The following SORCS1 variants were observed in gnomAD, a reference collection of about 807,000 sequenced individuals.
The protein encoded by SORCS1 is VPS10 domain-containing receptor SorCS1.
In SORCS1, 60 loss-of-function variants were observed where a neutral mutation model predicts 146.1. The observed-to-expected ratio is 0.41, with a 90% CI of 0.33 to 0.51. SORCS1 has a LOEUF of 0.51. Ranked by LOEUF, SORCS1 falls within the 20% of genes least tolerant of loss-of-function variation. SORCS1 has a pLI of 0.21. For synonymous variants in SORCS1, 637 were observed against 584.0 expected, an observed-to-expected ratio of 1.09 and a Z score of -1.31; for missense variants, 1,352 against 1,487.6, an observed-to-expected ratio of 0.91 and a Z score of 1.50.
rs141964516 is a variant in SORCS1, at chr10:106,676,961, C to G, written c.1832+352G>C. ...CAACTTGCTTCCTGTTGACCACTTC[C>G]TCTTCCTCACCTCCTCTTCTTTACC... On this transcript the variant is annotated intron_variant, in intron 13 of 25. Coordinates refer to ENST00000263054, the MANE Select transcript of SORCS1 (RefSeq NM_052918.5). Among the ~76,000 whole-genome samples, 54 of 152,260 alleles carry G rather than the reference C, an allele frequency of 3.5e-4. No individual in the cohort carries two copies. In the East Asian group the frequency reaches 9.3e-3, roughly 26 times the overall value.
intron 1 of SORCS1, among the ~76,000 whole-genome samples, chr10:107,076,819 C>T (rs1356153086): frequency 6.6e-6 from 1 of 152,054 alleles, no homozygotes; most frequent in Non-Finnish European, 1.5e-5. Context: ...CTACTATATC[C>T]CCGAAGCCAC....
chr10:106,679,186 G>T (rs1852252404), intron 12 of SORCS1, 70 bp downstream of exon 12: 2 of 1,253,944 alleles, frequency 1.6e-6, no homozygotes, highest in African/African-American at 3.0e-5. Flanking sequence ...AAAGTTCCCA[G>T]ATTTGAACCA....
chr10:107,043,377 T>C (rs1826616337), intron 1 of SORCS1, among the ~76,000 whole-genome samples: 1 of 152,206 alleles, frequency 6.6e-6, no homozygotes, highest in Non-Finnish European at 1.5e-5. Context: ...TCTTACAATG[T>C]TGATTCCGCC....
At chr10:106,907,795 T>C (rs564832483) in intron 2 of SORCS1, among the ~76,000 whole-genome samples, 12 of 151,730 alleles carry the variant, frequency 7.9e-5, no homozygotes, top group Admixed American at 2.6e-4. Flanking sequence ...GGCATGGTGG[T>C]GCGCACCTAT....
chr10:106,939,763 G>A (rs1291277674), intron 2 of SORCS1, among the ~76,000 whole-genome samples: 1 of 152,214 alleles, frequency 6.6e-6, no homozygotes, highest in Non-Finnish European at 1.5e-5. Context: ...GATTTATGGA[G>A]GAGCAGTACT....
At chr10:106,938,106 G>A (rs933867727) in intron 2 of SORCS1, among the ~76,000 whole-genome samples, 1 of 152,102 alleles carries the variant, frequency 6.6e-6, no homozygotes, top group Non-Finnish European at 1.5e-5. Context: ...TCTTTACAAG[G>A]ATAAATAATT....
At position 106,902,259 on chromosome 10, in the gene SORCS1, T is replaced by C. The variant is rs189741326; in HGVS notation, c.626+54254A>G. Among the ~76,000 whole-genome samples the C allele has an allele frequency of 4.6e-5, 7 of 152,190 alleles. No individual in the cohort carries two copies. The East Asian group carries it at 1.4e-3, about 29-fold the overall frequency. ...CTTGACCTAGCAATTTTTAAAATAG[T>C]CCCTAACCTTTAGTCCAGTATCTTC... is the stretch of plus-strand genomic sequence containing the variant. On this transcript the variant is annotated intron_variant, in intron 2 of 25. Coordinates refer to ENST00000263054, the MANE Select transcript of SORCS1 (RefSeq NM_052918.5).
At chr10:106,902,170 T>A (rs1364960640) in intron 2 of SORCS1, among the ~76,000 whole-genome samples, 1 of 152,182 alleles carries the variant, frequency 6.6e-6, no homozygotes, top group Non-Finnish European at 1.5e-5. Context: ...GAGTATAAAT[T>A]GGTGAAATCT....
chr10:106,925,351 T>A (rs1301783126), intron 2 of SORCS1, among the ~76,000 whole-genome samples: 1 of 152,170 alleles, frequency 6.6e-6, no homozygotes, highest in Non-Finnish European at 1.5e-5. Flanking sequence ...TAGCATTCAC[T>A]CCATGCTTCT....
chr10:106,746,060 A>G (rs1857717016), intron 5 of SORCS1, among the ~76,000 whole-genome samples: 1 of 152,234 alleles, frequency 6.6e-6, no homozygotes, highest in Admixed American at 6.5e-5. Flanking sequence ...GAGACAAGGA[A>G]AGACGGAGGA....
intron 1 of SORCS1, among the ~76,000 whole-genome samples, chr10:107,021,370 C>T (rs1214207099): frequency 2.0e-5 from 3 of 151,384 alleles, no homozygotes; most frequent in Admixed American, 6.6e-5. Flanking sequence ...AAAAATTAGC[C>T]GGGCATGGTG....
At chr10:106,930,608 C>T (rs550661349) in intron 2 of SORCS1, among the ~76,000 whole-genome samples, 1 of 152,206 alleles carries the variant, frequency 6.6e-6, no homozygotes, top group Admixed American at 6.5e-5. Flanking sequence ...AGGCACAACA[C>T]CAACACAGGA....
At chr10:107,023,803 C>T (rs982778415) in intron 1 of SORCS1, among the ~76,000 whole-genome samples, 8 of 152,160 alleles carry the variant, frequency 5.3e-5, no homozygotes, top group African/African-American at 1.7e-4. Context: ...CTTCCTAAAG[C>T]TTTCAAATGT....
Position 106,652,523 on chromosome 10 carries a change from A to T in SORCS1, c.2334T>A (p.Thr778=). The change falls in exon 18 of 26, where the codon ACT becomes ACA. Residue 778 remains threonine, a synonymous_variant. Coordinates refer to ENST00000263054, the MANE Select transcript of SORCS1 (RefSeq NM_052918.5). ...GYRKVVSNNC[T]DGVREQYTAK... ...CAGTGTACTGTTCCCTTACGCCATCAGTGCAATTATTGGAAACCACCTTCC... is the reference window on the plus strand; with the variant it reads ...CAGTGTACTGTTCCCTTACGCCATCTGTGCAATTATTGGAAACCACCTTCC... 6.2e-7 allele frequency: 1 copy of T among 1,613,958 alleles called. No homozygotes were observed. Among genetic ancestry groups the T allele is most frequent in the Admixed American group, 1.7e-5 (1 of 60,024 alleles).
intron 19 of SORCS1, among the ~76,000 whole-genome samples, chr10:106,628,975 A>T (rs1487679091): frequency 6.6e-6 from 1 of 152,208 alleles, no homozygotes; most frequent in Non-Finnish European, 1.5e-5. Flanking sequence ...AGCAGAGGAA[A>T]TGCAATGAGA....
intron 8 of SORCS1, among the ~76,000 whole-genome samples, chr10:106,699,887 C>T (rs536310235): frequency 3.2e-4 from 48 of 152,288 alleles, no homozygotes; most frequent in African/African-American, 1.1e-3. Flanking sequence ...TGGGCCTCAC[C>T]TGGTGAATCA....
At chr10:107,041,059 G>A (rs944949361) in intron 1 of SORCS1, among the ~76,000 whole-genome samples, 1 of 152,050 alleles carries the variant, frequency 6.6e-6, no homozygotes, top group Admixed American at 6.5e-5. Flanking sequence ...ATGCAATAGT[G>A]TTAAAGAATA....
intron 5 of SORCS1, among the ~76,000 whole-genome samples, chr10:106,756,199 G>C (rs1383016314): frequency 6.6e-6 from 1 of 151,852 alleles, no homozygotes; most frequent in Non-Finnish European, 1.5e-5. Context: ...AATGGGGAAA[G>C]CAAACCTGAT....
upstream of SORCS1, among the ~76,000 whole-genome samples, chr10:107,165,292 A>AGTGTGTGTGTGTGTGTGTGTGTGTGT (rs3982278): frequency 2.1e-5 from 3 of 142,718 alleles, no homozygotes; most frequent in African/African-American, 8.0e-5. This position sits in a 1 kb window ranked among gnomAD's most constrained non-coding sequence, Gnocchi z 4.0. Flanking sequence ...CTCGTGTGTG[A>AGTGTGTGTGTGTGTGTGTGTGTGTGT]GTGTGTGTGT....
Sources: allele counts gnomAD v4.1 joint callset (sites outside exome capture counted in the v4.1 genomes callset), GRCh38; gene constraint gnomAD v4.1.1; non-coding constraint Gnocchi (gnomAD v3.1); transcripts MANE v1.5; gene names NCBI Gene and HGNC (gene_info 2026-07-23, HGNC 2026-07-21).